Variants in CELF2 observed in about 807,000 individuals in gnomAD.
CELF2 encodes the protein CUG triplet repeat RNA-binding protein 2.
In CELF2, 8 loss-of-function variants were observed where a neutral mutation model predicts 62.6. The ratio of observed to expected loss-of-function variants is 0.13; its 90% CI spans 0.07 to 0.23. The LOEUF is 0.23. Among genes scored for constraint, CELF2 ranks in the 10% least tolerant of loss-of-function variants. The pLI is 1.00. For synonymous variants in CELF2, 258 were observed against 250.0 expected (o/e 1.03, Z -0.30); for missense variants, 333 against 671.0 (o/e 0.50, Z 5.56).
chr10:10,863,224 C>T (rs552648621), intron 1 of CELF2, among the ~76,000 whole-genome samples: 2 of 152,278 alleles, frequency 1.3e-5, no homozygotes, highest in South Asian at 4.1e-4. Flanking sequence ...ATTAGAGTCC[C>T]TAGGAGTATT....
chr10:10,745,709 G>T, the CELF2 span, among the ~76,000 whole-genome samples: 1 of 152,302 alleles, frequency 6.6e-6, no homozygotes, highest in Non-Finnish European at 1.5e-5. Flanking sequence ...TCTGCCTAAT[G>T]GAGGGTGACC....
intron 1 of CELF2, among the ~76,000 whole-genome samples, chr10:10,848,828 G>A (rs1409524504): frequency 6.6e-6 from 1 of 152,104 alleles, no homozygotes; most frequent in Admixed American, 6.5e-5. Context: ...GGTTGTAAGG[G>A]GAGTCTGCTA....
chr10:11,301,968 C>G (rs2093802248), intron 9 of CELF2, among the ~76,000 whole-genome samples: 1 of 152,166 alleles, frequency 6.6e-6, no homozygotes, highest in Admixed American at 6.5e-5. Flanking sequence ...TCCGCCTTCG[C>G]TGGAACCGCC....
intron 8 of CELF2, among the ~76,000 whole-genome samples, chr10:11,275,699 A>T (rs2085792453): frequency 6.6e-6 from 1 of 152,162 alleles, no homozygotes; most frequent in African/African-American, 2.4e-5. Context: ...TCTGGAGAAA[A>T]TCAAAGTGTG....
chr10:11,097,339 A>G (rs1039770309), intron 1 of CELF2: 4 of 152,330 alleles, frequency 2.6e-5, no homozygotes, highest in African/African-American at 9.6e-5. Context: ...AAATGTTTCC[A>G]TTTGCTTTTC....
At chr10:11,254,662 T>A (rs1038081807) in intron 4 of CELF2, among the ~76,000 whole-genome samples, 9 of 152,224 alleles carry the variant, frequency 5.9e-5, no homozygotes, top group African/African-American at 2.2e-4. Flanking sequence ...CTAAATACCA[T>A]AATTATAGGT....
intron 1 of CELF2, among the ~76,000 whole-genome samples, chr10:10,851,021 G>T (rs978678108): frequency 2.6e-5 from 4 of 152,036 alleles, no homozygotes; most frequent in Admixed American, 2.0e-4. Context: ...GGCCAAGCTG[G>T]TCTCAAACTC....
intron 8 of CELF2, among the ~76,000 whole-genome samples, chr10:11,275,910 G>C (rs566911089): frequency 6.6e-6 from 1 of 152,122 alleles, no homozygotes; most frequent in Non-Finnish European, 1.5e-5. Flanking sequence ...CGTGAGGAAC[G>C]GTCAGAGAGC....
At position 10,990,968 on chromosome 10, in the gene CELF2, CGTGTGT is replaced by C. The variant is rs150054618; in HGVS notation, c.89+70985_89+70990del. 1.3e-5 allele frequency among the ~76,000 whole-genome samples: 2 copies of C among 148,484 alleles called. No individual in the cohort carries two copies. The highest frequency in any genetic ancestry group is 3.0e-5 in the Non-Finnish European group (2 of 66,874). On this transcript the variant is annotated intron_variant, in intron 2 of 13. Transcript: ENST00000636488. This position sits in a 1 kb window ranked among gnomAD's most constrained non-coding sequence, Gnocchi z 4.6. ...ACAGCATCTTTTTGAGGTTCTTTTG[CGTGTGT>C]GTGTGTGTGTGTGTGCCCACACGTG...
intron 1 of CELF2, among the ~76,000 whole-genome samples, chr10:10,826,850 A>G (rs1363760967): frequency 1.3e-5 from 2 of 152,232 alleles, no homozygotes; most frequent in Non-Finnish European, 2.9e-5. Flanking sequence ...AAGCAGAATT[A>G]TAGAATTTCC....
At chr10:10,870,765 A>G (rs866320667) in intron 1 of CELF2, among the ~76,000 whole-genome samples, 7 of 152,224 alleles carry the variant, frequency 4.6e-5, no homozygotes, top group African/African-American at 1.7e-4. Context: ...GCGGTCAGGC[A>G]TGAGTGCACA....
At position 11,302,458 on chromosome 10, in the gene CELF2, C is replaced by A. The variant is rs1340636546; in HGVS notation, c.977-11681C>A. 6.6e-6 allele frequency among the ~76,000 whole-genome samples: 1 copy of A among 152,180 alleles called. No individual in the cohort carries two copies. The highest frequency in any genetic ancestry group is 1.5e-5 in the Non-Finnish European group (1 of 68,032). On this transcript the variant is annotated intron_variant, in intron 9 of 12. Transcript: ENST00000633077. The surrounding 1 kb of genome is among the most constrained non-coding windows in gnomAD (Gnocchi z 5.0). ...GGGCGAGGCTGTAACTTTACAGTAA[C>A]GATCTTCTCCATTAAATGTGTCTGT...
At chr10:10,595,823 G>T in the CELF2 span, among the ~76,000 whole-genome samples, 2 of 152,148 alleles carry the variant, frequency 1.3e-5, no homozygotes, top group Non-Finnish European at 2.9e-5. Context: ...TTGAGCCCAG[G>T]GGGTGGAGGT....
chr10:11,249,181 C>A lies in CELF2; in HGVS notation c.383C>A (p.Ala128Glu). Residue 128 changes from alanine (A) to glutamate (E), a missense_variant, in exon 4 of 13, where the codon GCA becomes GAA. Transcript: ENST00000633077. ...GMHHPIQMKP[A>E]DSEKSNAVED... ...CATCATCCCATTCAGATGAAACCTG[C>A]AGATAGTGAAAAGTCCAACGGTAGG... 1 of 1,613,402 alleles carries A rather than the reference C, an allele frequency of 6.2e-7. No homozygotes were observed. Among genetic ancestry groups the A allele is most frequent in the Non-Finnish European group, 8.5e-7 (1 of 1,179,328 alleles).
chr10:11,249,317 G>T, intron 4 of CELF2, 116 bp downstream of exon 4: 1 of 780,834 alleles, frequency 1.3e-6, no homozygotes, highest in Non-Finnish European at 2.2e-6. Flanking sequence ...GACAGAGAGC[G>T]CTGCTCCTGG....
chr10:10,790,265 G>T, the CELF2 span, among the ~76,000 whole-genome samples: 1 of 151,944 alleles, frequency 6.6e-6, no homozygotes, highest in Non-Finnish European at 1.5e-5. Context: ...TTCCCGTTAT[G>T]TATTTGTTAA....
At chr10:10,690,430 A>G in the CELF2 span, among the ~76,000 whole-genome samples, 2 of 152,232 alleles carry the variant, frequency 1.3e-5, no homozygotes. Flanking sequence ...ATGCACACAC[A>G]TAGATTAAAA....
the CELF2 span, among the ~76,000 whole-genome samples, chr10:10,499,385 GAATT>G: frequency 6.6e-6 from 1 of 151,568 alleles, no homozygotes; most frequent in Admixed American, 6.6e-5. Context: ...GACTATGTTT[GAATT>G]ATTTTTGTTT....
the CELF2 span, among the ~76,000 whole-genome samples, chr10:10,475,554 T>C: frequency 6.6e-6 from 1 of 152,074 alleles, no homozygotes; most frequent in Non-Finnish European, 1.5e-5. Context: ...GACAGGGATA[T>C]TCAATTACAT....
Sources: allele counts gnomAD v4.1 joint callset (sites outside exome capture counted in the v4.1 genomes callset), GRCh38; gene constraint gnomAD v4.1.1; non-coding constraint Gnocchi (gnomAD v3.1); transcripts MANE v1.5; gene names NCBI Gene and HGNC (gene_info 2026-07-23, HGNC 2026-07-21).